Variants in KIAA1549L observed in about 807,000 individuals in gnomAD.
KIAA1549L encodes the protein UPF0606 protein KIAA1549L.
In KIAA1549L, 88 loss-of-function variants were observed where a neutral mutation model predicts 160.7. The observed-to-expected ratio is 0.55, with a 90% CI of 0.46 to 0.65. The LOEUF is 0.65. KIAA1549L is among the 30% of genes least tolerant of loss of function. The pLI, the probability that KIAA1549L is intolerant of heterozygous loss-of-function variation, is 0.00. For synonymous variants in KIAA1549L, 950 were observed against 976.7 expected, an observed-to-expected ratio of 0.97 and a Z score of 0.51; for missense variants, 2,258 against 2,437.5, an observed-to-expected ratio of 0.93 and a Z score of 1.55.
In KIAA1549L at chr11:33,422,392, C is replaced by A. The variant is rs143808291; in HGVS notation, c.238+45503C>A. 2.3e-3 allele frequency among the ~76,000 whole-genome samples: 344 copies of A among 152,192 alleles called. 1 individual carries two copies. The highest frequency in any genetic ancestry group is 7.5e-3 in the African/African-American group (310 of 41,512). ...TGTCACTTTTCTTGATCCACTGCTG[C>A]ACCAGGAGTGCTCCCTCACACTTAC... is the stretch of plus-strand genomic sequence containing the variant. On this transcript the variant is annotated intron_variant, in intron 1 of 20. Transcript: ENST00000658780.
intron 1 of KIAA1549L, among the ~76,000 whole-genome samples, chr11:33,440,725 C>T (rs1158554456): frequency 6.6e-6 from 1 of 152,186 alleles, no homozygotes; most frequent in Admixed American, 6.5e-5. Flanking sequence ...TCCTTGCTTA[C>T]ATATTCCTTC....
chr11:33,582,401 T>G (rs1237517929), intron 10 of KIAA1549L, among the ~76,000 whole-genome samples: 3 of 152,276 alleles, frequency 2.0e-5, no homozygotes, highest in South Asian at 4.1e-4. Context: ...GGGCCTCAGT[T>G]TTGCCTAGTA....
At chr11:33,431,114 T>C (rs1193294374) in intron 1 of KIAA1549L, among the ~76,000 whole-genome samples, 1 of 152,124 alleles carries the variant, frequency 6.6e-6, no homozygotes, top group Non-Finnish European at 1.5e-5. Flanking sequence ...CTGGAGTTGT[T>C]CGTTCCTCCT....
intron 16 of KIAA1549L, among the ~76,000 whole-genome samples, chr11:33,618,874 C>T (rs80226689): frequency 2.0e-5 from 3 of 152,282 alleles, no homozygotes; most frequent in South Asian, 2.1e-4. Flanking sequence ...TCACGATTTC[C>T]GAATTGTGCC....
intron 10 of KIAA1549L, among the ~76,000 whole-genome samples, chr11:33,580,726 G>C (rs1488351071): frequency 6.6e-6 from 1 of 152,184 alleles, no homozygotes; most frequent in Non-Finnish European, 1.5e-5. Flanking sequence ...GGGCACTGGA[G>C]ATAGAGCAGT....
chr11:33,495,903 T>C (rs1036385159), intron 1 of KIAA1549L, among the ~76,000 whole-genome samples: 3 of 152,008 alleles, frequency 2.0e-5, no homozygotes, highest in African/African-American at 2.4e-5. Context: ...TTTCATGTGT[T>C]TTTTGGCTGC....
chr11:33,503,501 A>C (rs1290013645), intron 1 of KIAA1549L, among the ~76,000 whole-genome samples: 3 of 152,220 alleles, frequency 2.0e-5, no homozygotes, highest in Admixed American at 2.0e-4. Context: ...TAGGATCTGC[A>C]TATGTTCAAG....
chr11:33,610,055 GGTACT>G, intron 15 of KIAA1549L, 89 bp downstream of exon 15: 1 of 931,736 alleles, frequency 1.1e-6, no homozygotes, highest in African/African-American at 1.6e-5. Context: ...TTCCTTATCT[GGTACT>G]GTAGGATTGT....
intron 1 of KIAA1549L, among the ~76,000 whole-genome samples, chr11:33,479,858 G>A (rs1000218212): frequency 6.6e-5 from 10 of 152,158 alleles, no homozygotes; most frequent in Non-Finnish European, 1.3e-4. Flanking sequence ...AAGCAAGGTA[G>A]CAGAAGAGAG....
intron 1 of KIAA1549L, among the ~76,000 whole-genome samples, chr11:33,523,966 G>T (rs1045806755): frequency 6.6e-6 from 1 of 151,778 alleles, no homozygotes; most frequent in Non-Finnish European, 1.5e-5. Flanking sequence ...AATCTTGATT[G>T]GATTTTGGTA....
intron 1 of KIAA1549L, among the ~76,000 whole-genome samples, chr11:33,423,513 T>C (rs906976094): frequency 2.6e-5 from 4 of 152,346 alleles, no homozygotes; most frequent in African/African-American, 9.6e-5. Context: ...CATGCCCTCA[T>C]TGAAGAGGAC....
intron 1 of KIAA1549L, among the ~76,000 whole-genome samples, chr11:33,508,224 G>GT (rs1190986615): frequency 6.6e-6 from 1 of 152,204 alleles, no homozygotes; most frequent in African/African-American, 2.4e-5. Context: ...TGGTTATCCA[G>GT]CCTCATCGTG....
intron 20 of KIAA1549L, among the ~76,000 whole-genome samples, chr11:33,663,653 G>A (rs1280295200): frequency 6.6e-6 from 1 of 152,174 alleles, no homozygotes; most frequent in Non-Finnish European, 1.5e-5. Context: ...AGGGAATGTG[G>A]TAGCTTCCTT....
chr11:33,428,386 T>C (rs1851163554), intron 1 of KIAA1549L, among the ~76,000 whole-genome samples: 1 of 152,168 alleles, frequency 6.6e-6, no homozygotes, highest in African/African-American at 2.4e-5. Flanking sequence ...CATGTGCCAT[T>C]TGGTTTGTTG....
In KIAA1549L at chr11:33,664,172, A is replaced by T. The variant is rs183480168; in HGVS notation, c.6159+3158A>T. Among the ~76,000 whole-genome samples, 2 of 152,280 alleles carry T rather than the reference A, an allele frequency of 1.3e-5. 1 individual carries two copies. The highest frequency in any genetic ancestry group is 3.9e-4 in the East Asian group (2 of 5,190). ...GTCTTGTGGGGAAATCAAAGTCCCAACTTGTAACTTGGGACATCTGTTCTG... is the reference window on the plus strand; with the variant it reads ...GTCTTGTGGGGAAATCAAAGTCCCATCTTGTAACTTGGGACATCTGTTCTG... On this transcript the variant is annotated intron_variant, in intron 20 of 20. Transcript: ENST00000658780.
At chr11:33,398,870 G>T (rs921066954) in intron 1 of KIAA1549L, among the ~76,000 whole-genome samples, 1 of 151,732 alleles carries the variant, frequency 6.6e-6, no homozygotes, top group Admixed American at 6.6e-5. Flanking sequence ...TATAGTCTTA[G>T]TTAAAAAGAC....
intron 1 of KIAA1549L, among the ~76,000 whole-genome samples, chr11:33,518,715 T>C (rs1001198528): frequency 1.3e-5 from 2 of 152,250 alleles, no homozygotes; most frequent in African/African-American, 4.8e-5. Flanking sequence ...TGTTCTAAAG[T>C]TGCCATTAAA....
In KIAA1549L at chr11:33,449,252, G is replaced by A. The variant is rs1450967170; in HGVS notation, c.238+72363G>A. ...TCTTCAATTTTTTTTTTTTCTGTGT[G>A]TGATCTCTAGAGATTGTTTCTGCAA... On this transcript the variant is annotated intron_variant, in intron 1 of 20. Coordinates refer to ENST00000658780, the MANE Select transcript of KIAA1549L (RefSeq NM_012194.3). Among the ~76,000 whole-genome samples, 2 of 150,486 alleles carry A rather than the reference G, an allele frequency of 1.3e-5. 1 individual carries two copies. Among genetic ancestry groups the A allele is most frequent in the Admixed American group, 1.3e-4 (2 of 15,148 alleles).
chr11:33,548,132 G>A (rs928563337), intron 4 of KIAA1549L, among the ~76,000 whole-genome samples: 1 of 152,152 alleles, frequency 6.6e-6, no homozygotes, highest in Non-Finnish European at 1.5e-5. Context: ...CAGGTGGGTG[G>A]CTCACACCTG....
Sources: gnomAD v4.1 joint callset for allele counts (sites outside exome capture counted in the v4.1 genomes callset) on GRCh38, gnomAD v4.1.1 for gene constraint, MANE v1.5 for transcripts, NCBI Gene and HGNC (gene_info 2026-07-23, HGNC 2026-07-21) for gene names.